TYW1: variants seen among roughly 807,000 people sequenced by gnomAD.
TYW1 encodes the protein tRNA-yW synthesizing protein 1 homolog, also known as S-adenosyl-L-methionine-dependent tRNA 4-demethylwyosine synthase TYW1.
Under a neutral mutation model 96.2 loss-of-function variants are expected in TYW1, and 46 were observed. That is an observed-to-expected ratio of 0.48 (90% confidence interval 0.38 to 0.61). The LOEUF (loss-of-function observed/expected upper bound fraction) is 0.61. Among genes scored for constraint, TYW1 ranks in the 20% least tolerant of loss-of-function variants. TYW1 has a pLI of 0.00. For synonymous variants in TYW1, 274 were observed against 323.0 expected (o/e 0.85, Z 1.63); for missense variants, 684 against 909.6 (o/e 0.75, Z 3.19).
At chr7:67,220,320 C>T (rs2116416362) in intron 15 of TYW1, among the ~76,000 whole-genome samples, 1 of 150,420 alleles carries the variant, frequency 6.6e-6, no homozygotes, top group East Asian at 2.0e-4. Context: ...TCTCCTGCCT[C>T]AGCCTCCCGA....
At chr7:67,133,524 C>T (rs113249888) in intron 13 of TYW1, among the ~76,000 whole-genome samples, 40,735 of 149,854 alleles carry the variant, frequency 0.27, 6,327 homozygotes, top group African/African-American at 0.43. Context: ...ATGGTGAAAC[C>T]CCGTCTCTAC....
chr7:67,195,418 A>G, intron 15 of TYW1, 81 bp downstream of exon 15: 2 of 1,597,864 alleles, frequency 1.3e-6, no homozygotes, highest in South Asian at 2.2e-5. Flanking sequence ...TTTTCCTCTT[A>G]CATTGTTATA....
intron 10 of TYW1, among the ~76,000 whole-genome samples, chr7:67,076,260 G>C (rs1441170063): frequency 6.6e-6 from 1 of 152,182 alleles, no homozygotes; most frequent in African/African-American, 2.4e-5. Flanking sequence ...AAATGTCCCT[G>C]TCTCCTTTGT....
intron 12 of TYW1, among the ~76,000 whole-genome samples, chr7:67,099,739 A>C (rs562907395): frequency 1.5e-3 from 224 of 152,354 alleles, no homozygotes; most frequent in Non-Finnish European, 2.4e-3. Flanking sequence ...GCGGTGGCTC[A>C]TGCCTGTCAT....
chr7:67,234,995 C>T (rs1483247871), intron 15 of TYW1, among the ~76,000 whole-genome samples: 3 of 151,612 alleles, frequency 2.0e-5, no homozygotes, highest in African/African-American at 4.8e-5. Flanking sequence ...ATTGCTCAAA[C>T]TAATCCTTTA....
chr7:67,029,847 C>T (rs914142021), intron 7 of TYW1, among the ~76,000 whole-genome samples: 85 of 152,194 alleles, frequency 5.6e-4, no homozygotes, highest in African/African-American at 1.9e-3. Flanking sequence ...ACTACAGACA[C>T]GCACCACCAC....
At chr7:67,192,610 C>G (rs770737892) in intron 14 of TYW1, among the ~76,000 whole-genome samples, 2 of 152,144 alleles carry the variant, frequency 1.3e-5, no homozygotes, top group African/African-American at 2.4e-5. Flanking sequence ...CTTGGTAAGG[C>G]TAGCAGTTTT....
intron 3 of TYW1, among the ~76,000 whole-genome samples, chr7:67,003,934 C>T (rs1793483334): frequency 6.6e-6 from 1 of 152,136 alleles, no homozygotes; most frequent in African/African-American, 2.4e-5. Flanking sequence ...ATCCCAGCTA[C>T]ACGGGAGGCT....
intron 13 of TYW1, among the ~76,000 whole-genome samples, chr7:67,138,838 T>C (rs141694149): frequency 0.036 from 5,393 of 151,762 alleles, 285 homozygotes; most frequent in African/African-American, 0.12. Context: ...TAGTACTCCA[T>C]TATATATAAA....
intron 12 of TYW1, among the ~76,000 whole-genome samples, chr7:67,105,678 T>A (rs13240923): frequency 6.6e-6 from 1 of 152,136 alleles, no homozygotes; most frequent in Admixed American, 6.5e-5. Context: ...TTGTCAGAGG[T>A]ATTGCACGGT....
intron 13 of TYW1, among the ~76,000 whole-genome samples, chr7:67,130,128 C>T (rs1798022414): frequency 1.3e-5 from 2 of 151,902 alleles, no homozygotes; most frequent in Admixed American, 1.3e-4. Flanking sequence ...TGCCTCTAAT[C>T]CCAGCACTTT....
At chr7:67,083,334 ATT>A in intron 10 of TYW1, 94 bp from the exon 11 acceptor site, 1 of 1,257,398 alleles carries the variant, frequency 8.0e-7, no homozygotes, top group East Asian at 2.3e-5. Context: ...ACCAGTCCTG[ATT>A]TTGTGATTTT....
chr7:67,190,304 T>C (rs1207555287), intron 14 of TYW1, among the ~76,000 whole-genome samples: 1 of 152,238 alleles, frequency 6.6e-6, no homozygotes, highest in African/African-American at 2.4e-5. Flanking sequence ...TGAAATTTTG[T>C]ACTAGATTAG....
At chr7:67,087,945 C>A (rs1481890556) in intron 11 of TYW1, among the ~76,000 whole-genome samples, 1 of 152,046 alleles carries the variant, frequency 6.6e-6, no homozygotes, top group Non-Finnish European at 1.5e-5. Flanking sequence ...CTCACTGCAA[C>A]CTCTGCCTCC....
chr7:67,075,916 T>C (rs1796188596), intron 10 of TYW1, among the ~76,000 whole-genome samples: 1 of 152,242 alleles, frequency 6.6e-6, no homozygotes, highest in African/African-American at 2.4e-5. Context: ...TTCAAAGACC[T>C]GTGCTAACAT....
At chr7:67,131,669 A>C (rs1396339615) in intron 13 of TYW1, among the ~76,000 whole-genome samples, 1 of 152,226 alleles carries the variant, frequency 6.6e-6, no homozygotes, top group Non-Finnish European at 1.5e-5. Flanking sequence ...GACTCGCACT[A>C]TCACAAGGTG....
At chr7:67,000,253 C>T (rs71563149) in intron 3 of TYW1, among the ~76,000 whole-genome samples, 1 of 151,792 alleles carries the variant, frequency 6.6e-6, no homozygotes, top group Non-Finnish European at 1.5e-5. Flanking sequence ...CTAATTATAT[C>T]TAGATGCTAC....
chr7:67,175,425 C>A (rs1349452813), intron 13 of TYW1, among the ~76,000 whole-genome samples: 1 of 152,152 alleles, frequency 6.6e-6, no homozygotes, highest in African/African-American at 2.4e-5. Flanking sequence ...CCTGCCTCAG[C>A]CTCCCAAAGT....
At chr7:67,147,933 T>C (rs958882293) in intron 13 of TYW1, among the ~76,000 whole-genome samples, 3 of 141,584 alleles carry the variant, frequency 2.1e-5, no homozygotes, top group African/African-American at 8.3e-5. Context: ...AAAGAAAAAA[T>C]AAATTAATTT....
Sources: gnomAD v4.1 joint callset for allele counts (sites outside exome capture counted in the v4.1 genomes callset) on GRCh38, gnomAD v4.1.1 for gene constraint, MANE v1.5 for transcripts, NCBI Gene and HGNC (gene_info 2026-07-23, HGNC 2026-07-21) for gene names.